RFX3: variants seen among roughly 807,000 people sequenced by gnomAD.
The protein encoded by RFX3 is transcription factor RFX3.
In RFX3, 14 loss-of-function variants were observed where a neutral mutation model predicts 98.6. That is an observed-to-expected ratio of 0.14 (90% CI 0.09 to 0.22). RFX3 has a LOEUF of 0.22. Ranked by LOEUF, RFX3 falls within the 10% of genes least tolerant of loss-of-function variation. The probability of loss-of-function intolerance (pLI) is 1.00; values close to 1 mark genes in which losing one functional copy is unlikely to be tolerated. For synonymous variants in RFX3, 383 were observed against 328.4 expected, an observed-to-expected ratio of 1.17 and a Z score of -1.80; for missense variants, 639 against 926.9, an observed-to-expected ratio of 0.69 and a Z score of 4.03.
In RFX3 at chr9:3,324,319, A is replaced by G. The variant is rs1831645146; in HGVS notation, c.474+5940T>C. Among the ~76,000 whole-genome samples, 3 of 152,186 alleles carry G rather than the reference A, an allele frequency of 2.0e-5. No homozygotes were observed. In the South Asian group the frequency reaches 6.2e-4, roughly 32 times the overall value. On this transcript the variant is annotated intron_variant, in intron 4 of 16. Coordinates refer to ENST00000617270, the MANE Select transcript of RFX3 (RefSeq NM_001282116.2). ...TTCTAACTTAAAATTTCTTCTAAGC[A>G]TATCTTCATATATGATAATTAAACA...
At chr9:3,477,935 A>T (rs1460349051) in intron 1 of RFX3, among the ~76,000 whole-genome samples, 1 of 152,148 alleles carries the variant, frequency 6.6e-6, no homozygotes, top group Non-Finnish European at 1.5e-5. Flanking sequence ...GAGCTCCTCT[A>T]GTGAATTTTT....
chr9:3,301,507 A>G, intron 5 of RFX3, 39 bp downstream of exon 5: 1 of 1,395,588 alleles, frequency 7.2e-7, no homozygotes, highest in Non-Finnish European at 1.0e-6. Flanking sequence ...CATGCAGAAC[A>G]AGCAAGAGAT....
intron 3 of RFX3, among the ~76,000 whole-genome samples, chr9:3,341,892 T>C (rs946444334): frequency 6.6e-6 from 1 of 152,186 alleles, no homozygotes; most frequent in Admixed American, 6.5e-5. Context: ...CAGAATTCCA[T>C]GTAACCATTT....
intron 1 of RFX3, among the ~76,000 whole-genome samples, chr9:3,496,105 C>T (rs1220535377): frequency 1.3e-5 from 2 of 151,968 alleles, no homozygotes; most frequent in African/African-American, 2.4e-5. Context: ...AAGGTGCTTA[C>T]ACAAGCCTGG....
At chr9:3,306,694 T>C (rs963040474) in intron 4 of RFX3, among the ~76,000 whole-genome samples, 4 of 151,656 alleles carry the variant, frequency 2.6e-5, no homozygotes, top group South Asian at 2.1e-4. Flanking sequence ...GGCACATGTA[T>C]ACATATGTAA....
intron 1 of RFX3, among the ~76,000 whole-genome samples, chr9:3,510,092 CCT>C (rs1303577788): frequency 6.6e-6 from 1 of 152,010 alleles, no homozygotes; most frequent in Non-Finnish European, 1.5e-5. Flanking sequence ...GACCTTTTCA[CCT>C]CTCTAATCTG....
intron 1 of RFX3, among the ~76,000 whole-genome samples, chr9:3,461,524 G>T (rs1245325900): frequency 1.3e-5 from 2 of 151,896 alleles, no homozygotes; most frequent in African/African-American, 4.8e-5. Flanking sequence ...CATGTTCAAG[G>T]AATAGTTTCC....
At chr9:3,424,450 C>A (rs1011704323) in intron 1 of RFX3, among the ~76,000 whole-genome samples, 1 of 149,068 alleles carries the variant, frequency 6.7e-6, no homozygotes, top group East Asian at 2.0e-4. Context: ...CAAGCTCCGC[C>A]TCCCGGGTTC....
chr9:3,348,360 A>G (rs77800337), intron 2 of RFX3, among the ~76,000 whole-genome samples: 2,958 of 152,170 alleles, frequency 0.019, 105 homozygotes, highest in African/African-American at 0.068. Context: ...AAGTTTCACT[A>G]GTGGAGTCAT....
chr9:3,467,504 A>G (rs955265318), intron 1 of RFX3, among the ~76,000 whole-genome samples: 3 of 151,956 alleles, frequency 2.0e-5, no homozygotes, highest in African/African-American at 7.3e-5. Flanking sequence ...CTCTTACATG[A>G]AAATTATTTC....
chr9:3,525,870 G>T lies in RFX3; in HGVS notation c.-132C>A. Reference sequence around the variant, plus strand: ...TGTTGTTGATGGGTAACAGTCGCCAGGACTACGGTGACTATGGCGCTTGAT... The same window carrying T: ...TGTTGTTGATGGGTAACAGTCGCCATGACTACGGTGACTATGGCGCTTGAT... On this transcript the variant is annotated 5_prime_UTR_variant, in exon 1 of 17. The change creates a new upstream start codon in the 5' untranslated region. Coordinates refer to ENST00000617270, the MANE Select transcript of RFX3 (RefSeq NM_001282116.2). 1.0e-6 allele frequency: 1 copy of T among 985,610 alleles called. No homozygotes were observed. Among genetic ancestry groups the T allele is most frequent in the South Asian group, 4.7e-5 (1 of 21,368 alleles). The allele number at this position is 985,610 out of a possible 1,614,324, so 61.1% of individuals were successfully genotyped here.
intron 2 of RFX3, among the ~76,000 whole-genome samples, chr9:3,387,729 C>G (rs117527705): frequency 6.6e-6 from 1 of 152,014 alleles, no homozygotes; most frequent in Non-Finnish European, 1.5e-5. Context: ...CACTGTCCCC[C>G]CTCAGGGAAC....
intron 4 of RFX3, among the ~76,000 whole-genome samples, chr9:3,312,744 C>T (rs546684717): frequency 2.0e-5 from 3 of 152,174 alleles, no homozygotes; most frequent in East Asian, 1.9e-4. Context: ...GGGGGTCCCA[C>T]GCCCATGGAG....
chr9:3,501,082 G>A (rs915410816), intron 1 of RFX3, among the ~76,000 whole-genome samples: 18 of 152,218 alleles, frequency 1.2e-4, no homozygotes, highest in South Asian at 4.2e-4. Flanking sequence ...TGTGGCATTC[G>A]TAAAAGAAAC....
intron 4 of RFX3, among the ~76,000 whole-genome samples, chr9:3,314,439 C>A (rs571262367): frequency 1.3e-5 from 2 of 152,222 alleles, no homozygotes; most frequent in African/African-American, 2.4e-5. Flanking sequence ...TAAAGACCAT[C>A]GATGCTAGGA....
intron 11 of RFX3, among the ~76,000 whole-genome samples, chr9:3,266,723 T>C (rs1283581049): frequency 1.3e-5 from 2 of 152,078 alleles, no homozygotes; most frequent in African/African-American, 4.8e-5. Context: ...TTTTCATTTC[T>C]TTTATTAAAA....
intron 15 of RFX3, among the ~76,000 whole-genome samples, chr9:3,244,393 C>T (rs536749114): frequency 2.0e-5 from 3 of 152,280 alleles, no homozygotes; most frequent in South Asian, 2.1e-4. Flanking sequence ...TATGGCACTT[C>T]GAACTGTACC....
intron 7 of RFX3, among the ~76,000 whole-genome samples, chr9:3,278,767 C>T (rs1406736037): frequency 1.3e-5 from 2 of 151,750 alleles, no homozygotes; most frequent in Admixed American, 6.6e-5. Flanking sequence ...ATGACATTTA[C>T]ATTTATTTCT....
rs143775184 is a variant in RFX3 at position 3,506,771 on chromosome 9, C to A, written c.-9+18976G>T. Among the ~76,000 whole-genome samples the A allele has an allele frequency of 2.0e-3, 299 of 151,584 alleles. 2 individuals are homozygous for A. The highest frequency in any genetic ancestry group is 6.7e-3 in the African/African-American group (278 of 41,348). On this transcript the variant is annotated intron_variant, in intron 1 of 16. Coordinates refer to ENST00000617270, the MANE Select transcript of RFX3 (RefSeq NM_001282116.2). ...TTTGAAAAGGTAAGAAGAAAAAGAC[C>A]TGGATTAAGGTCAGCCCAATCCACT... is the stretch of plus-strand genomic sequence containing the variant.
Sources: gnomAD v4.1 joint callset for allele counts (sites outside exome capture counted in the v4.1 genomes callset) on GRCh38, gnomAD v4.1.1 for gene constraint, MANE v1.5 for transcripts, NCBI Gene and HGNC (gene_info 2026-07-23, HGNC 2026-07-21) for gene names.